SLC48A1: variants seen among roughly 807,000 people sequenced by gnomAD.
SLC48A1 encodes the protein solute carrier family 48 member 1.
A neutral mutation model predicts 14.8 loss-of-function variants in SLC48A1; 6 were observed. The ratio of observed to expected loss-of-function variants is 0.41; its 90% CI spans 0.22 to 0.80. The LOEUF is 0.80. Among genes scored for constraint, SLC48A1 ranks in the 30% least tolerant of loss-of-function variants. The probability of loss-of-function intolerance (pLI) is 0.34; values close to 1 mark genes in which losing one functional copy is unlikely to be tolerated. For synonymous variants in SLC48A1, 89 were observed against 90.0 expected (o/e 0.99, Z 0.06); for missense variants, 165 against 204.8 (o/e 0.81, Z 1.19).
rs1418348647 is a variant in SLC48A1 at position 47,777,633 on chromosome 12, C to G, written c.137-1395C>G. Among the ~76,000 whole-genome samples the G allele has an allele frequency of 1.3e-5, 2 of 152,194 alleles. No individual in the cohort carries two copies. The highest frequency in any genetic ancestry group is 4.8e-5 in the African/African-American group (2 of 41,434). On this transcript the variant is annotated intron_variant, in intron 1 of 2. Transcript: ENST00000442218. The surrounding 1 kb of genome is among the most constrained non-coding windows in gnomAD (Gnocchi z 4.5). ...CTGAGCTGGTAACCAGAGCATAGCTCCACAGTGACAAGCTTCCTCCTGCCT... is the reference window on the plus strand; with the variant it reads ...CTGAGCTGGTAACCAGAGCATAGCTGCACAGTGACAAGCTTCCTCCTGCCT...
upstream of SLC48A1, among the ~76,000 whole-genome samples, chr12:47,756,934 A>C (rs944322784): frequency 1.3e-5 from 2 of 150,986 alleles, no homozygotes; most frequent in Non-Finnish European, 2.9e-5. Flanking sequence ...GCTTCACTGC[A>C]CTCCAGCCTG....
chr12:47,773,462 C>CGCGGGGCGGGTGCGCGGCT (rs1172626194), intron 1 of SLC48A1, 22 bp downstream of exon 1: 4 of 1,318,776 alleles, frequency 3.0e-6, no homozygotes, highest in African/African-American at 3.1e-5. Context: ...CGCTGGGCGG[C>CGCGGGGCGGGTGCGCGGCT]GCGGGGCGGG....
intron 1 of SLC48A1, among the ~76,000 whole-genome samples, chr12:47,778,076 C>T (rs1405135808): frequency 3.9e-5 from 6 of 152,190 alleles, no homozygotes; most frequent in Non-Finnish European, 8.8e-5. Context: ...TGTCCCTTGC[C>T]GGGATCCACC....
At chr12:47,771,958 C>T (rs1320211693), upstream of SLC48A1, among the ~76,000 whole-genome samples, 1 of 150,686 alleles carries the variant, frequency 6.6e-6, no homozygotes, top group Non-Finnish European at 1.5e-5. Context: ...GTCAAGGAAA[C>T]TGATTTTCCC....
chr12:47,779,583 G>C (rs150665789), intron 2 of SLC48A1, among the ~76,000 whole-genome samples: 1 of 152,190 alleles, frequency 6.6e-6, no homozygotes, highest in Non-Finnish European at 1.5e-5. Flanking sequence ...TCACAAAAGC[G>C]GAGTGGATGA....
intron 1 of SLC48A1, among the ~76,000 whole-genome samples, chr12:47,775,090 A>G (rs1028061919): frequency 3.3e-5 from 5 of 152,074 alleles, no homozygotes; most frequent in African/African-American, 1.2e-4. Context: ...GTTTGACCCT[A>G]TCCTGGGCCA....
intron 1 of SLC48A1, among the ~76,000 whole-genome samples, chr12:47,774,523 TATG>T (rs1238343894): frequency 6.6e-6 from 1 of 152,200 alleles, no homozygotes; most frequent in Non-Finnish European, 1.5e-5. Context: ...TACTTTTACA[TATG>T]ATGATTATAT....
upstream of SLC48A1, chr12:47,773,179 G>A: frequency 1.0e-6 from 1 of 989,414 alleles, no homozygotes; most frequent in Non-Finnish European, 1.2e-6. Context: ...GCTGGGGGCG[G>A]GCCGGGGGCG....
At position 47,780,558 on chromosome 12, in the gene SLC48A1, TTTTTTTTTTC is replaced by T. The variant is rs776961632; in HGVS notation, c.*287_*296del. On this transcript the variant is annotated 3_prime_UTR_variant, in exon 3 of 3. Transcript: ENST00000442218. ...AAATGAATCTGTTTTCTTTTCTTTC[TTTTTTTTTTC>T]TTTTTTTTTTTTTTTTGAGATGGAG... is the stretch of plus-strand genomic sequence containing the variant. 20 of 611,880 alleles carry T rather than the reference TTTTTTTTTTC, an allele frequency of 3.3e-5. No individual in the cohort carries two copies. Among genetic ancestry groups the T allele is most frequent in the Non-Finnish European group, 4.0e-5 (13 of 323,130 alleles). 37.9% of individuals were successfully genotyped at this position (611,880 alleles called of 1,614,324 possible).
chr12:47,771,720 G>A, upstream of SLC48A1: 1 of 152,242 alleles, frequency 6.6e-6, no homozygotes, highest in Non-Finnish European at 1.5e-5. Context: ...ATCACCTGAG[G>A]TCAGGAGTTC....
rs371065527 is a variant in SLC48A1 at position 47,774,585 on chromosome 12, AAAT to A, written c.136+1148_136+1150del. ...AAAGAACCCTAAATGGAATAACTAA[AAAT>A]AACTAATTTACTCACTGCCACAGGG... On this transcript the variant is annotated intron_variant, in intron 1 of 2. Transcript: ENST00000442218. Among the ~76,000 whole-genome samples, 36 of 152,340 alleles carry A rather than the reference AAAT, an allele frequency of 2.4e-4. 1 individual carries two copies. The South Asian group carries it at 7.5e-3, about 32-fold the overall frequency.
At chr12:47,765,235 A>G (rs1942491297) in intron 2 of SLC48A1, among the ~76,000 whole-genome samples, 1 of 152,060 alleles carries the variant, frequency 6.6e-6, no homozygotes, top group African/African-American at 2.4e-5. Context: ...ACAGAGGGAA[A>G]CAGAAAAGTG....
chr12:47,773,171 T>TGGGGGCGGGCC (rs890305442), upstream of SLC48A1: 7 of 984,612 alleles, frequency 7.1e-6, no homozygotes, highest in African/African-American at 1.8e-5. Context: ...CGGGCGGCGC[T>TGGGGGCGGGCC]GGGGGCGGGC....
In SLC48A1 at chr12:47,773,245, G is replaced by A; in HGVS notation, c.-60G>A. The A allele has an allele frequency of 1.6e-6, 2 of 1,218,956 alleles. No homozygotes were observed. The highest frequency in any genetic ancestry group is 1.0e-6 in the Non-Finnish European group (1 of 976,278). 75.5% of individuals were successfully genotyped at this position (1,218,956 alleles called of 1,614,324 possible). A position where few individuals can be genotyped will look rare whatever the true frequency, so the allele number is the denominator to read the frequency against. ...CCCGCGGCTCCGGCTGGCGGCTTCGGGCCCTGCACCTGTGACTCTCGGCCG... is the reference window on the plus strand; with the variant it reads ...CCCGCGGCTCCGGCTGGCGGCTTCGAGCCCTGCACCTGTGACTCTCGGCCG... On this transcript the variant is annotated 5_prime_UTR_variant, in exon 1 of 3. Transcript: ENST00000442218.
Position 47,780,156 on chromosome 12 carries a change from C to A in SLC48A1, c.316C>A (p.Pro106Thr). The A allele has an allele frequency of 6.2e-7, 1 of 1,602,426 alleles. No homozygotes were observed. Among genetic ancestry groups the A allele is most frequent in the Non-Finnish European group, 8.5e-7 (1 of 1,173,326 alleles). ...TTCTCTCCCTGCAGGCCTCACAGAC[C>A]CCACCAGCTACTACCTCTCCAGCGT... Reference protein sequence around the residue: ...AITRHQSLTDPTSYYLSSVWS... With the variant: ...AITRHQSLTDTTSYYLSSVWS... Residue 106 changes from proline (P) to threonine (T), a missense_variant, in exon 3 of 3, where the codon CCC becomes ACC. Pro to Thr is a conservative substitution (Grantham distance 38). Transcript: ENST00000442218.
intron 2 of SLC48A1, among the ~76,000 whole-genome samples, chr12:47,763,262 T>A (rs1592595835): frequency 6.6e-6 from 1 of 152,180 alleles, no homozygotes; most frequent in East Asian, 1.9e-4. Context: ...TCAGCTTTGT[T>A]CACAAGGCTC....
At chr12:47,767,147 G>A (rs535811858), upstream of SLC48A1, among the ~76,000 whole-genome samples, 35 of 144,872 alleles carry the variant, frequency 2.4e-4, no homozygotes, top group African/African-American at 8.1e-4. Flanking sequence ...ACAGCCTCGG[G>A]TTGCCACAGC....
Position 47,779,204 on chromosome 12 carries a change from G to T in SLC48A1, c.304+9G>T. 6.5e-7 allele frequency: 1 copy of T among 1,548,360 alleles called. No homozygotes were observed. On this transcript the variant is annotated intron_variant, in intron 2 of 2. Coordinates refer to ENST00000442218, the MANE Select transcript of SLC48A1 (RefSeq NM_017842.3). ...CATCACCCGGCATCAGAGTGAGGGC[G>T]GGTCCCAGGGAAAGAGGGCATGGGA...
chr12:47,776,322 G>A lies in SLC48A1; in HGVS notation c.137-2706G>A, dbSNP rs3782907. Among the ~76,000 whole-genome samples the A allele has an allele frequency of 4.1e-4, 63 of 152,338 alleles. 2 individuals carry two copies. The East Asian group carries it at 9.1e-3, about 22-fold the overall frequency. The stretch of plus-strand genomic sequence containing the variant: ...CTTGAAACAGGTAGGATGGAGCAAC[G>A]GTGTGGTCTGGTGTGGGCTTGCAGC... On this transcript the variant is annotated intron_variant, in intron 1 of 2. Transcript: ENST00000442218.
Sources: gnomAD v4.1 joint callset for allele counts (sites outside exome capture counted in the v4.1 genomes callset) on GRCh38, gnomAD v4.1.1 for gene constraint, Gnocchi (gnomAD v3.1) non-coding constraint, MANE v1.5 for transcripts, NCBI Gene and HGNC (gene_info 2026-07-23, HGNC 2026-07-21) for gene names.